The following NCALD variants were observed in gnomAD, a reference collection of about 807,000 sequenced individuals.
NCALD encodes neurocalcin delta.
Under a neutral mutation model 18.6 loss-of-function variants are expected in NCALD, and 10 were observed. That is an observed-to-expected ratio of 0.54 (90% CI 0.33 to 0.91). NCALD has a LOEUF of 0.91. NCALD is among the 40% of genes least tolerant of loss of function. The pLI, the probability that NCALD is intolerant of heterozygous loss-of-function variation, is 0.03. For synonymous variants in NCALD, 88 were observed against 87.4 expected, an observed-to-expected ratio of 1.01 and a Z score of -0.04; for missense variants, 184 against 247.6, an observed-to-expected ratio of 0.74 and a Z score of 1.72.
intron 4 of NCALD, among the ~76,000 whole-genome samples, chr8:101,826,318 G>A (rs1813935343): frequency 6.6e-6 from 1 of 152,158 alleles, no homozygotes. Context: ...AGAGATTGTG[G>A]GAACTTAGGC....
chr8:102,106,456 T>TATATATATATATAG (rs1825454128), intron 1 of NCALD, among the ~76,000 whole-genome samples: 1 of 139,166 alleles, frequency 7.2e-6, no homozygotes, highest in Non-Finnish European at 1.6e-5. Flanking sequence ...TATATATATA[T>TATATATATATATAG]ATATATATAT....
At chr8:102,029,141 CTG>C (rs1055583278) in intron 1 of NCALD, 19 of 152,230 alleles carry the variant, frequency 1.2e-4, no homozygotes, top group African/African-American at 4.3e-4. Flanking sequence ...ATAGAAGAAA[CTG>C]TGTGAGCAAA....
At chr8:101,988,201 G>C (rs1023415161) in intron 2 of NCALD, among the ~76,000 whole-genome samples, 5 of 137,950 alleles carry the variant, frequency 3.6e-5, no homozygotes, top group Non-Finnish European at 7.9e-5. Context: ...AAAAAAAAAA[G>C]TAACTCCTAA....
chr8:101,739,819 G>A (rs1810107319), intron 1 of NCALD, among the ~76,000 whole-genome samples: 1 of 152,104 alleles, frequency 6.6e-6, no homozygotes, highest in Non-Finnish European at 1.5e-5. Flanking sequence ...CTTGCAGATG[G>A]CCTACTGTGG....
At chr8:101,796,087 A>C (rs1812628927) in intron 4 of NCALD, among the ~76,000 whole-genome samples, 1 of 152,210 alleles carries the variant, frequency 6.6e-6, no homozygotes, top group Non-Finnish European at 1.5e-5. Context: ...TCATATCTCA[A>C]AACTGAAAGG....
At chr8:102,073,719 T>C (rs1824254665) in intron 1 of NCALD, among the ~76,000 whole-genome samples, 1 of 152,310 alleles carries the variant, frequency 6.6e-6, no homozygotes, top group African/African-American at 2.4e-5. Context: ...CTTCAGGAGC[T>C]TAAGCTTCAG....
chr8:101,738,414 G>T (rs1426324694), intron 1 of NCALD, among the ~76,000 whole-genome samples: 1 of 151,918 alleles, frequency 6.6e-6, no homozygotes, highest in Non-Finnish European at 1.5e-5. Context: ...CGTGGTGGCA[G>T]GTGCCTGTAA....
In NCALD at chr8:101,688,421, A is replaced by G. The variant is rs1338442204; in HGVS notation, c.*888T>C. The G allele has an allele frequency of 4.8e-5, 13 of 272,258 alleles. No individual in the cohort carries two copies. Among genetic ancestry groups the G allele is most frequent in the Non-Finnish European group, 9.6e-5 (13 of 135,826 alleles). 16.9% of individuals were successfully genotyped at this position (272,258 alleles called of 1,614,324 possible). On this transcript the variant is annotated 3_prime_UTR_variant, in exon 4 of 4. Coordinates refer to ENST00000220931, the MANE Select transcript of NCALD (RefSeq NM_032041.3). ...GCAAAGACAGATATGACTTCCAAAC[A>G]AGACAGACATTCATTATAGTTGTCT...
chr8:101,694,368 A>G (rs1814887911), intron 2 of NCALD: 1 of 152,142 alleles, frequency 6.6e-6, no homozygotes, highest in South Asian at 2.1e-4. Flanking sequence ...CTCAGGACCA[A>G]CCCTGCCAGA....
intron 4 of NCALD, among the ~76,000 whole-genome samples, chr8:101,797,806 C>T (rs1471261262): frequency 6.7e-6 from 1 of 150,348 alleles, no homozygotes; most frequent in Admixed American, 6.6e-5. Flanking sequence ...TACAGTGAGA[C>T]TCCATCTCAA....
chr8:101,859,260 C>T (rs893405557), intron 4 of NCALD, among the ~76,000 whole-genome samples: 1 of 152,182 alleles, frequency 6.6e-6, no homozygotes, highest in Non-Finnish European at 1.5e-5. Context: ...TAGACTTACA[C>T]CAGTGATTTG....
chr8:101,724,982 C>A (rs1816509665), intron 1 of NCALD, among the ~76,000 whole-genome samples: 1 of 152,234 alleles, frequency 6.6e-6, no homozygotes, highest in South Asian at 2.1e-4. Context: ...TAAGTGTCTA[C>A]TGGGGGTGAG....
rs1025698071 is a variant in NCALD at position 101,896,525 on chromosome 8, G to A, written c.-106-9298C>T. Among the ~76,000 whole-genome samples the A allele has an allele frequency of 9.7e-4, 147 of 151,836 alleles. No homozygotes were observed. The East Asian group carries it at 0.012, about 13-fold the overall frequency. Reference sequence around the variant, plus strand: ...ACAAAATTGACAAATGGGATCTAATGAAACTAAAGAGCTTCTGCACAGCAA... The same window carrying A: ...ACAAAATTGACAAATGGGATCTAATAAAACTAAAGAGCTTCTGCACAGCAA... On this transcript the variant is annotated intron_variant, in intron 3 of 6. Transcript: ENST00000311028.
chr8:102,068,387 G>A (rs1281040987), intron 1 of NCALD, among the ~76,000 whole-genome samples: 1 of 152,166 alleles, frequency 6.6e-6, no homozygotes, highest in Non-Finnish European at 1.5e-5. Context: ...CGCCACTCTG[G>A]CCTCTCTCCT....
At chr8:102,099,862 C>T (rs898629722) in intron 1 of NCALD, among the ~76,000 whole-genome samples, 2 of 151,868 alleles carry the variant, frequency 1.3e-5, no homozygotes, top group African/African-American at 4.8e-5. Context: ...ATCCCAGCTA[C>T]TCAGGAGGCT....
At chr8:102,070,047 G>C (rs901246308) in intron 1 of NCALD, 1 of 151,910 alleles carries the variant, frequency 6.6e-6, no homozygotes, top group Non-Finnish European at 1.5e-5. Context: ...CCAGGAGATG[G>C]AGGCTGCAGT....
chr8:101,839,852 T>G (rs1159858662), intron 4 of NCALD, among the ~76,000 whole-genome samples: 1 of 151,908 alleles, frequency 6.6e-6, no homozygotes, highest in East Asian at 1.9e-4. Context: ...CTGGGAAGCA[T>G]GTGTTAGGTT....
chr8:101,832,587 C>T (rs1586597842), intron 4 of NCALD, among the ~76,000 whole-genome samples: 1 of 152,188 alleles, frequency 6.6e-6, no homozygotes, highest in Non-Finnish European at 1.5e-5. Flanking sequence ...AAATCTAATA[C>T]AGCCCCAAAG....
At chr8:101,732,388 C>A (rs188372913) in intron 1 of NCALD, among the ~76,000 whole-genome samples, 5 of 152,146 alleles carry the variant, frequency 3.3e-5, no homozygotes. Flanking sequence ...GCCACAAATT[C>A]ATTCGGTAAA....
Sources: gnomAD v4.1 joint callset for allele counts (sites outside exome capture counted in the v4.1 genomes callset) on GRCh38, gnomAD v4.1.1 for gene constraint, MANE v1.5 for transcripts, NCBI Gene and HGNC (gene_info 2026-07-23, HGNC 2026-07-21) for gene names.